Variants in OSTN observed in about 807,000 individuals in gnomAD.
OSTN encodes osteocrin.
OSTN carries 9 observed loss-of-function variants against 12.0 expected under a neutral mutation model. The observed-to-expected ratio is 0.75, with a 90% CI of 0.45 to 1.30. The LOEUF is 1.30. Among genes scored for constraint, OSTN ranks in the 50% most tolerant of loss-of-function variants. The probability of loss-of-function intolerance (pLI) is 0.00; values close to 1 mark genes in which losing one functional copy is unlikely to be tolerated. For missense variants in OSTN, 148 were observed against 152.3 expected, an observed-to-expected ratio of 0.97 and a Z score of 0.15; for synonymous variants, 59 against 56.9, an observed-to-expected ratio of 1.04 and a Z score of -0.16.
At chr3:191,261,271 T>C (rs1222497884) in intron 4 of OSTN, among the ~76,000 whole-genome samples, 3 of 152,200 alleles carry the variant, frequency 2.0e-5, no homozygotes, top group Non-Finnish European at 4.4e-5. Flanking sequence ...TTATTTAATG[T>C]GTATACAGGG....
At chr3:191,238,410 A>C (rs1715249351) in intron 3 of OSTN, among the ~76,000 whole-genome samples, 1 of 152,180 alleles carries the variant, frequency 6.6e-6, no homozygotes, top group African/African-American at 2.4e-5. Context: ...AGCCTCAGTA[A>C]ATCTACATTT....
chr3:191,208,454 C>T (rs1380047343), intron 1 of OSTN, among the ~76,000 whole-genome samples: 3 of 152,150 alleles, frequency 2.0e-5, no homozygotes, highest in Non-Finnish European at 4.4e-5. Flanking sequence ...AGGAACTTGG[C>T]CTTTTGGTTA....
intron 3 of OSTN, among the ~76,000 whole-genome samples, chr3:191,233,046 A>G (rs1715100805): frequency 6.6e-6 from 1 of 152,214 alleles, no homozygotes; most frequent in Admixed American, 6.5e-5. Flanking sequence ...AGGGTACAAA[A>G]CATATTATTT....
At chr3:191,205,124 CTTAT>C (rs1714238674) in intron 1 of OSTN, among the ~76,000 whole-genome samples, 1 of 152,016 alleles carries the variant, frequency 6.6e-6, no homozygotes, top group Admixed American at 6.6e-5. Context: ...ACTTAAAAGG[CTTAT>C]TTATTTGAAC....
chr3:191,258,171 A>C (rs547227264), intron 4 of OSTN, among the ~76,000 whole-genome samples: 9 of 152,224 alleles, frequency 5.9e-5, no homozygotes, highest in Non-Finnish European at 1.3e-4. Flanking sequence ...TGAGTAGTCA[A>C]AGGAAGATTA....
intron 4 of OSTN, among the ~76,000 whole-genome samples, chr3:191,260,960 G>A (rs570474330): frequency 3.9e-5 from 6 of 152,120 alleles, no homozygotes; most frequent in African/African-American, 9.7e-5. Context: ...TCTTTGTCTC[G>A]CATTAATCAA....
In OSTN at chr3:191,250,053, C is replaced by G; in HGVS notation, c.334C>G (p.Pro112Ala). The part of the protein sequence containing the change: ...KGKQRKVVDH[P>A]KRRFGIPMDR... The stretch of plus-strand genomic sequence containing the variant: ...TTGTTTCAGGAAAGTAGTAGATCAT[C>G]CAAAAAGGCGATTTGGTATCCCCAT... Residue 112 changes from proline (P) to alanine (A), a missense_variant, in exon 4 of 5, where the codon CCA becomes GCA. Pro to Ala is a conservative substitution (Grantham distance 27). Coordinates refer to ENST00000682035, the MANE Select transcript of OSTN (RefSeq NM_198184.2). 1 of 1,613,570 alleles carries G rather than the reference C, an allele frequency of 6.2e-7. No individual in the cohort carries two copies. The highest frequency in any genetic ancestry group is 8.5e-7 in the Non-Finnish European group (1 of 1,179,544).
intron 1 of OSTN, among the ~76,000 whole-genome samples, chr3:191,203,381 C>T (rs889663100): frequency 2.0e-5 from 3 of 152,122 alleles, no homozygotes; most frequent in Non-Finnish European, 2.9e-5. Flanking sequence ...ATAATGGAAT[C>T]TTTCTCTAAG....
At chr3:191,212,770 C>CTTATATATTTATATATCATATCTT (rs10635852) in intron 2 of OSTN, 136 bp downstream of exon 2, 1 of 168,844 alleles carries the variant, frequency 5.9e-6, no homozygotes, top group African/African-American at 2.5e-5. Flanking sequence ...TATATCATAT[C>CTTATATATTTATATATCATATCTT]ATATATTTTA....
At chr3:191,254,406 T>C (rs1576940160) in intron 4 of OSTN, among the ~76,000 whole-genome samples, 1 of 152,244 alleles carries the variant, frequency 6.6e-6, no homozygotes, top group African/African-American at 2.4e-5. Flanking sequence ...TAAGTGGCTG[T>C]TATTTCTCTC....
At chr3:191,225,323 G>T (rs559279373) in intron 3 of OSTN, among the ~76,000 whole-genome samples, 1 of 151,984 alleles carries the variant, frequency 6.6e-6, no homozygotes, top group African/African-American at 2.4e-5. Flanking sequence ...TTTATTTACC[G>T]TTTTTATTTA....
chr3:191,229,239 T>G (rs1714989096), intron 3 of OSTN, among the ~76,000 whole-genome samples: 1 of 152,226 alleles, frequency 6.6e-6, no homozygotes, highest in Admixed American at 6.5e-5. Context: ...GAGGGATTTA[T>G]TAACCAGTTA....
chr3:191,224,659 A>T (rs1474575950), intron 3 of OSTN, among the ~76,000 whole-genome samples: 4 of 152,130 alleles, frequency 2.6e-5, no homozygotes, highest in Admixed American at 2.6e-4. Flanking sequence ...TCACTAACTG[A>T]AATATAGTAA....
At chr3:191,241,344 G>A (rs1274300901) in intron 3 of OSTN, among the ~76,000 whole-genome samples, 12 of 151,630 alleles carry the variant, frequency 7.9e-5, no homozygotes, top group Admixed American at 7.9e-4. Flanking sequence ...CAGCACGCCC[G>A]GCTAATTTTT....
At chr3:191,237,439 T>C (rs1343334456) in intron 3 of OSTN, among the ~76,000 whole-genome samples, 1 of 151,976 alleles carries the variant, frequency 6.6e-6, no homozygotes, top group East Asian at 1.9e-4. Flanking sequence ...AGTTTTAGAG[T>C]GGGGTGGAAG....
At chr3:191,200,827 C>A (rs1324959151) in intron 1 of OSTN, among the ~76,000 whole-genome samples, 1 of 152,154 alleles carries the variant, frequency 6.6e-6, no homozygotes, top group Non-Finnish European at 1.5e-5. Flanking sequence ...ATGACTGTTA[C>A]CTACCAGACA....
chr3:191,219,405 G>A (rs981276912), intron 3 of OSTN, among the ~76,000 whole-genome samples: 2 of 152,212 alleles, frequency 1.3e-5, no homozygotes, highest in African/African-American at 4.8e-5. Flanking sequence ...AGAACGTGGA[G>A]TCAGAACGCA....
chr3:191,262,841 A>G (rs1410575420), intron 4 of OSTN, 25 bp from the exon 5 acceptor site: 3 of 701,642 alleles, frequency 4.3e-6, no homozygotes, highest in Non-Finnish European at 7.8e-6. Flanking sequence ...ATTAGCTTTA[A>G]CAATCTCAAC....
intron 3 of OSTN, among the ~76,000 whole-genome samples, chr3:191,223,806 G>T (rs189823176): frequency 6.6e-6 from 1 of 152,128 alleles, no homozygotes; most frequent in Non-Finnish European, 1.5e-5. Context: ...AAACTCATAT[G>T]TAAGTTTTAA....
Sources: allele counts gnomAD v4.1 joint callset (sites outside exome capture counted in the v4.1 genomes callset), GRCh38; gene constraint gnomAD v4.1.1; transcripts MANE v1.5; gene names NCBI Gene and HGNC (gene_info 2026-07-23, HGNC 2026-07-21).